PRKCH: variants seen among roughly 807,000 people sequenced by gnomAD.
PRKCH encodes protein kinase C eta, also known as protein kinase C eta type.
Under a neutral mutation model 82.5 loss-of-function variants are expected in PRKCH, and 28 were observed. The observed-to-expected ratio is 0.34, with a 90% CI of 0.25 to 0.47. The LOEUF (loss-of-function observed/expected upper bound fraction) is 0.47. Among genes scored for constraint, PRKCH ranks in the 20% least tolerant of loss-of-function variants. The pLI, the probability that PRKCH is intolerant of heterozygous loss-of-function variation, is 1.00. For synonymous variants in PRKCH, 322 were observed against 327.4 expected (o/e 0.98, Z 0.18); for missense variants, 705 against 881.8 (o/e 0.80, Z 2.54).
intron 1 of PRKCH, among the ~76,000 whole-genome samples, chr14:61,382,452 C>CA (rs112736087): frequency 0.096 from 14,478 of 150,266 alleles, 824 homozygotes; most frequent in Non-Finnish European, 0.1. Context: ...CAAAAACAAA[C>CA]AAAAAAAAAC....
intron 1 of PRKCH, among the ~76,000 whole-genome samples, chr14:61,247,998 A>G (rs909478022): frequency 2.0e-5 from 3 of 152,164 alleles, no homozygotes; most frequent in African/African-American, 7.2e-5. Context: ...AGATGTAATC[A>G]TCCAGTGTCA....
intron 1 of PRKCH, among the ~76,000 whole-genome samples, chr14:61,252,893 C>T (rs544241226): frequency 5.5e-4 from 84 of 152,260 alleles, no homozygotes; most frequent in African/African-American, 1.9e-3. Flanking sequence ...TGCAGCCTGA[C>T]GGTCACGCCC....
At chr14:61,231,014 T>C (rs1308464514) in intron 1 of PRKCH, among the ~76,000 whole-genome samples, 3 of 152,224 alleles carry the variant, frequency 2.0e-5, no homozygotes, top group African/African-American at 4.8e-5. Flanking sequence ...ACATTGATTA[T>C]ATTCATTAAC....
intron 1 of PRKCH, among the ~76,000 whole-genome samples, chr14:61,265,470 A>T (rs940949540): frequency 2.0e-5 from 3 of 152,116 alleles, no homozygotes; most frequent in African/African-American, 7.2e-5. Flanking sequence ...GACAGAGCAT[A>T]ACCTTGTCTC....
chr14:61,494,943 A>G (rs1287528950), intron 10 of PRKCH, among the ~76,000 whole-genome samples: 1 of 152,190 alleles, frequency 6.6e-6, no homozygotes. Flanking sequence ...CCCTTGAGAT[A>G]ATTTTCTTAG....
intron 9 of PRKCH, among the ~76,000 whole-genome samples, chr14:61,469,211 A>G (rs1219205108): frequency 6.6e-6 from 1 of 152,234 alleles, no homozygotes; most frequent in Non-Finnish European, 1.5e-5. Flanking sequence ...TATTAGGATT[A>G]CAGGCATGAG....
At chr14:61,502,988 G>T (rs1449144403) in intron 10 of PRKCH, among the ~76,000 whole-genome samples, 1 of 146,420 alleles carries the variant, frequency 6.8e-6, no homozygotes, top group Non-Finnish European at 1.5e-5. Context: ...TGTAAGAGAG[G>T]AAGGGAAGCA....
intron 10 of PRKCH, among the ~76,000 whole-genome samples, chr14:61,522,081 C>A (rs2042914297): frequency 6.6e-6 from 1 of 152,174 alleles, no homozygotes; most frequent in Non-Finnish European, 1.5e-5. Context: ...AAAAGTAGCT[C>A]AATCTGTCCA....
rs142950648 is a variant in PRKCH, at chr14:61,292,074, G to A, written c.-19+104406G>A. Among the ~76,000 whole-genome samples, 35 of 152,202 alleles carry A rather than the reference G, an allele frequency of 2.3e-4. No homozygotes were observed. In the East Asian group the frequency reaches 6.6e-3, roughly 29 times the overall value. On this transcript the variant is annotated intron_variant, in intron 1 of 3. Coordinates refer to the PRKCH transcript ENST00000555185. ...CTCACATTTTATCAGTCAGGAAGTG[G>A]CATGTATTTTAGATGCACCACCTAG...
At position 61,188,589 on chromosome 14, in the gene PRKCH, C is replaced by CGG. The variant is rs1352746320; in HGVS notation, c.-19+927_-19+928dup. ...ACGTTGCTGTAGTGTGTGTGTGTGT[C>CGG]GGGGGGGTGGGGGGGTGGTGTGGTG... On this transcript the variant is annotated intron_variant, in intron 1 of 3. Transcript: ENST00000555185. 7.1e-4 allele frequency among the ~76,000 whole-genome samples: 28 copies of CGG among 39,538 alleles called. No individual in the cohort carries two copies. The East Asian group carries it at 9.6e-3, about 14-fold the overall frequency. The allele number at this position is 39,538 out of a possible 152,430, so 25.9% of individuals were successfully genotyped here.
chr14:61,218,863 C>T (rs577515360), intron 1 of PRKCH, among the ~76,000 whole-genome samples: 5 of 152,264 alleles, frequency 3.3e-5, no homozygotes, highest in African/African-American at 1.2e-4. Context: ...CTATAAAGAG[C>T]TTTTCCACAG....
At chr14:61,402,064 T>C (rs7142290) in intron 2 of PRKCH, among the ~76,000 whole-genome samples, 81,131 of 152,150 alleles carry the variant, frequency 0.53, 23,928 homozygotes, top group Non-Finnish European at 0.66. Context: ...CATTGTGAGC[T>C]TGACAACTTC....
At chr14:61,347,988 T>G (rs753844815) in intron 1 of PRKCH, 1 of 152,496 alleles carries the variant, frequency 6.6e-6, no homozygotes, top group Non-Finnish European at 1.5e-5. Context: ...TCCAAGCTGA[T>G]TCTTCTGGGT....
intron 12 of PRKCH, chr14:61,544,405 AT>A (rs1336687314): frequency 6.6e-6 from 1 of 152,202 alleles, no homozygotes; most frequent in African/African-American, 2.4e-5. Context: ...AATTAAAATT[AT>A]TTCAAAACAC....
At chr14:61,196,100 C>T (rs1003764023) in intron 1 of PRKCH, among the ~76,000 whole-genome samples, 1 of 151,956 alleles carries the variant, frequency 6.6e-6, no homozygotes, top group African/African-American at 2.4e-5. Context: ...CCACCAAAAG[C>T]CAATGCATAA....
In PRKCH at chr14:61,436,986, C is replaced by G. The variant is rs751325118; in HGVS notation, c.428-6125C>G. Reference sequence around the variant, plus strand: ...CATGGAAGTCTTCCTTAATTAGTTACAGGACTATATCTGCAACTCCTGTGA... The same window carrying G: ...CATGGAAGTCTTCCTTAATTAGTTAGAGGACTATATCTGCAACTCCTGTGA... On this transcript the variant is annotated intron_variant, in intron 2 of 13. Coordinates refer to ENST00000332981, the MANE Select transcript of PRKCH (RefSeq NM_006255.5). Among the ~76,000 whole-genome samples the G allele has an allele frequency of 6.6e-5, 10 of 152,348 alleles. No homozygotes were observed. The East Asian group carries it at 1.5e-3, about 24-fold the overall frequency.
In PRKCH at chr14:61,538,353, G is replaced by A. The variant is rs117746925; in HGVS notation, c.1761+7758G>A. Among the ~76,000 whole-genome samples the A allele has an allele frequency of 6.5e-3, 990 of 152,276 alleles. 6 individuals are homozygous for A. The highest frequency in any genetic ancestry group is 8.0e-3 in the Non-Finnish European group (545 of 68,018). On this transcript the variant is annotated intron_variant, in intron 12 of 13. Coordinates refer to ENST00000332981, the MANE Select transcript of PRKCH (RefSeq NM_006255.5). ...GTTAACACCCTTCAGAAAAGGAACCGTTTGCTCACAGATCAAGGCCAGTGT... is the reference window on the plus strand; with the variant it reads ...GTTAACACCCTTCAGAAAAGGAACCATTTGCTCACAGATCAAGGCCAGTGT...
chr14:61,232,577 T>A (rs916799436), intron 1 of PRKCH, among the ~76,000 whole-genome samples: 1 of 152,184 alleles, frequency 6.6e-6, no homozygotes, highest in Non-Finnish European at 1.5e-5. Flanking sequence ...AATGGTAAGG[T>A]CTGGAAGTGT....
intron 9 of PRKCH, among the ~76,000 whole-genome samples, chr14:61,462,326 G>A (rs566102630): frequency 6.6e-6 from 1 of 152,148 alleles, no homozygotes; most frequent in Non-Finnish European, 1.5e-5. Flanking sequence ...GGAGGCAGAG[G>A]TTGCAGTGAG....
Sources: allele counts gnomAD v4.1 joint callset (sites outside exome capture counted in the v4.1 genomes callset), GRCh38; gene constraint gnomAD v4.1.1; transcripts MANE v1.5; gene names NCBI Gene and HGNC (gene_info 2026-07-23, HGNC 2026-07-21).